Variants in GSPT1 observed in about 807,000 individuals in gnomAD.
The protein encoded by GSPT1 is eukaryotic peptide chain release factor GTP-binding subunit ERF3A.
A neutral mutation model predicts 72.5 loss-of-function variants in GSPT1; 20 were observed. The ratio of observed to expected loss-of-function variants is 0.28; its 90% CI spans 0.19 to 0.40. GSPT1 has a LOEUF of 0.40. Among genes scored for constraint, GSPT1 ranks in the 10% least tolerant of loss-of-function variants. The probability of loss-of-function intolerance (pLI) is 1.00; values close to 1 mark genes in which losing one functional copy is unlikely to be tolerated. For synonymous variants in GSPT1, 334 were observed against 293.5 expected (o/e 1.14, Z -1.41); for missense variants, 580 against 811.9 (o/e 0.71, Z 3.47).
rs1023665946 is a variant in GSPT1, at chr16:11,870,901, A to G, written c.*2218T>C. On this transcript the variant is annotated 3_prime_UTR_variant, in exon 15 of 15. Coordinates refer to ENST00000434724, the MANE Select transcript of GSPT1 (RefSeq NM_002094.4). ...TAAGAGTCTTGGCAACATGCACATA[A>G]TAGTCTAACAGTGTAAATGTTTTAG... 6.6e-5 allele frequency: 10 copies of G among 152,206 alleles called. No individual in the cohort carries two copies. The highest frequency in any genetic ancestry group is 5.2e-4 in the Admixed American group (8 of 15,274). 9.4% of individuals were successfully genotyped at this position (152,206 alleles called of 1,614,324 possible).
chr16:11,902,676 C>T (rs1328735085), intron 1 of GSPT1, among the ~76,000 whole-genome samples: 1 of 151,516 alleles, frequency 6.6e-6, no homozygotes, highest in Non-Finnish European at 1.5e-5. Context: ...CAACCTCCAC[C>T]TCCTGGGTTC....
chr16:11,891,155 GA>G lies in GSPT1; in HGVS notation c.699-17del, dbSNP rs753499082. 2,031 of 1,146,394 alleles carry G rather than the reference GA, an allele frequency of 1.8e-3. No individual in the cohort carries two copies. Among genetic ancestry groups the G allele is most frequent in the South Asian group, 1.9e-3 (106 of 54,464 alleles). The allele number at this position is 1,146,394 out of a possible 1,614,324, so 71.0% of individuals were successfully genotyped here. On this transcript the variant is annotated splice_polypyrimidine_tract_variant and intron_variant, in intron 5 of 14. Transcript: ENST00000434724. The stretch of plus-strand genomic sequence containing the variant: ...AGTCAAATACCTGAAAACATTTAAA[GA>G]AAAAAAAAAGTAAACAATTACTCAC...
chr16:11,886,537 A>AAT lies in GSPT1; in HGVS notation c.1186_1187insAT (p.Phe396TyrfsTer77). ...TCCAGTAAGTCCTGAGCAGGGCATA[A>AAT]AGTGAATGTCCTTTTTGGGATTGAA... is the stretch of plus-strand genomic sequence containing the variant. On this transcript the variant is annotated frameshift_variant, in exon 9 of 15. Coordinates refer to ENST00000434724, the MANE Select transcript of GSPT1 (RefSeq NM_002094.4). LOFTEE classifies it high-confidence loss of function. 1 of 1,612,716 alleles carries AAT rather than the reference A, an allele frequency of 6.2e-7. No homozygotes were observed. The highest frequency in any genetic ancestry group is 8.5e-7 in the Non-Finnish European group (1 of 1,178,770).
At chr16:11,887,453 T>C (rs993509024) in intron 7 of GSPT1, 117 bp downstream of exon 7, 37 of 777,246 alleles carry the variant, frequency 4.8e-5, no homozygotes, top group East Asian at 4.3e-4. Flanking sequence ...TGTGACCGTG[T>C]ACATCATTAT....
At chr16:11,892,588 C>G (rs569016562) in intron 5 of GSPT1, among the ~76,000 whole-genome samples, 3 of 149,054 alleles carry the variant, frequency 2.0e-5, no homozygotes, top group African/African-American at 7.4e-5. Flanking sequence ...CAGCACTTTG[C>G]GAGGCCAAAG....
intron 1 of GSPT1, among the ~76,000 whole-genome samples, chr16:11,906,025 G>C (rs1180530758): frequency 2.0e-5 from 3 of 152,090 alleles, no homozygotes; most frequent in African/African-American, 7.2e-5. Context: ...CTGAATTACT[G>C]TGTTTTCCTT....
At chr16:11,889,609 G>C (rs1368573999) in intron 6 of GSPT1, among the ~76,000 whole-genome samples, 1 of 151,668 alleles carries the variant, frequency 6.6e-6, no homozygotes, top group Non-Finnish European at 1.5e-5. Context: ...CCAGGTTCAA[G>C]TGATTCTCCT....
chr16:11,901,651 A>C (rs2150882023), intron 1 of GSPT1, among the ~76,000 whole-genome samples: 1 of 151,326 alleles, frequency 6.6e-6, no homozygotes, highest in East Asian at 2.0e-4. Flanking sequence ...ATTAGGCTAG[A>C]CATGGTGGCT....
chr16:11,890,053 C>T (rs368950370), intron 6 of GSPT1, among the ~76,000 whole-genome samples: 4 of 151,716 alleles, frequency 2.6e-5, no homozygotes, highest in East Asian at 3.9e-4. Flanking sequence ...CTCCGCCTCC[C>T]GGGTTCACGC....
chr16:11,899,567 G>A lies in GSPT1; in HGVS notation c.353-1532C>T, dbSNP rs542201711. On this transcript the variant is annotated intron_variant, in intron 1 of 14. Transcript: ENST00000434724. ...GGTCTAAGATGACCCCAAGCTGTGG[G>A]ATGAGCAGGACATTAACAAACAGGG... Among the ~76,000 whole-genome samples, 112 of 152,262 alleles carry A rather than the reference G, an allele frequency of 7.4e-4. 1 individual carries two copies. The Middle Eastern group carries it at 0.014, about 18-fold the overall frequency.
intron 11 of GSPT1, chr16:11,882,403 AG>A (rs2054132676): frequency 6.6e-6 from 1 of 152,306 alleles, no homozygotes; most frequent in Non-Finnish European, 1.5e-5. Context: ...CCAATGCACA[AG>A]GCATCAAGAA....
chr16:11,892,712 C>T (rs2054282639), intron 5 of GSPT1, among the ~76,000 whole-genome samples: 1 of 148,238 alleles, frequency 6.7e-6, no homozygotes, highest in Admixed American at 6.8e-5. Flanking sequence ...GCCTGTAATC[C>T]CAGCTACTTG....
At chr16:11,915,091 C>T (rs557810617) in intron 1 of GSPT1, 2 of 1,290,558 alleles carry the variant, frequency 1.5e-6, no homozygotes, top group African/African-American at 3.0e-5. Context: ...AAGTGGGTAA[C>T]TGCGGACTCC....
intron 5 of GSPT1, among the ~76,000 whole-genome samples, chr16:11,894,155 CAAAAAAAAAAAAAAAAAAAAA>C (rs57226427): frequency 3.3e-4 from 14 of 42,674 alleles, no homozygotes; most frequent in South Asian, 8.0e-4. Context: ...GACCCTATCT[CAAAAAAAAAAAAAAAAAAAAA>C]AAAAAAAAAA....
intron 4 of GSPT1, 136 bp from the exon 5 acceptor site, chr16:11,895,123 C>G: frequency 1.6e-6 from 1 of 609,896 alleles, no homozygotes; most frequent in South Asian, 1.8e-5. Context: ...GTTCATTACC[C>G]TTCTCCTTTT....
At chr16:11,889,333 T>TC (rs2054225547) in intron 6 of GSPT1, among the ~76,000 whole-genome samples, 1 of 124,428 alleles carries the variant, frequency 8.0e-6, no homozygotes, top group East Asian at 2.3e-4. Context: ...CTTCTTCTTT[T>TC]TTTTTTTTTT....
At chr16:11,876,243 G>T in intron 12 of GSPT1, 68 bp from the exon 13 acceptor site, 1 of 975,280 alleles carries the variant, frequency 1.0e-6, no homozygotes, top group Non-Finnish European at 1.6e-6. Context: ...GTTCTCAAGC[G>T]CCATATAAAT....
chr16:11,893,371 C>T (rs925740164), intron 5 of GSPT1, among the ~76,000 whole-genome samples: 11 of 151,920 alleles, frequency 7.2e-5, no homozygotes, highest in South Asian at 2.1e-4. Context: ...ATGATCCTTC[C>T]GCCTTGGCCT....
At chr16:11,912,584 G>C (rs1280794393) in intron 1 of GSPT1, among the ~76,000 whole-genome samples, 1 of 152,126 alleles carries the variant, frequency 6.6e-6, no homozygotes, top group African/African-American at 2.4e-5. Context: ...ATGATGCAAA[G>C]AACACCACAT....
Sources: allele counts gnomAD v4.1 joint callset (sites outside exome capture counted in the v4.1 genomes callset), GRCh38; gene constraint gnomAD v4.1.1; transcripts MANE v1.5; gene names NCBI Gene and HGNC (gene_info 2026-07-23, HGNC 2026-07-21).